CEBPZ: variants seen among roughly 807,000 people sequenced by gnomAD.
The protein encoded by CEBPZ is CCAAT/enhancer-binding protein zeta.
CEBPZ carries 78 observed loss-of-function variants against 104.5 expected under a neutral mutation model. That is an observed-to-expected ratio of 0.75 (90% CI 0.62 to 0.90). The LOEUF (loss-of-function observed/expected upper bound fraction) is 0.90, where lower values mean the gene tolerates loss of function less well. Ranked by LOEUF, CEBPZ falls within the 40% of genes least tolerant of loss-of-function variation. CEBPZ has a pLI of 0.00. For missense variants in CEBPZ, 1,439 were observed against 1,233.5 expected, an observed-to-expected ratio of 1.17 and a Z score of -2.50; for synonymous variants, 470 against 427.0, an observed-to-expected ratio of 1.10 and a Z score of -1.24.
chr2:37,212,589 C>A, intron 10 of CEBPZ, 197 bp from the exon 11 acceptor site: 1 of 537,038 alleles, frequency 1.9e-6, no homozygotes, highest in Non-Finnish European at 3.3e-6. Context: ...AGTTAAATCC[C>A]AAAACTAAAG....
chr2:37,228,664 G>C lies in CEBPZ; in HGVS notation c.529C>G (p.Leu177Val). The C allele has an allele frequency of 6.2e-7, 1 of 1,614,142 alleles. No homozygotes were observed. Among genetic ancestry groups the C allele is most frequent in the Non-Finnish European group, 8.5e-7 (1 of 1,180,034 alleles). Residue 177 changes from leucine (L) to valine (V), a missense_variant, in exon 2 of 16, where the codon CTT becomes GTT. By Grantham distance (32) the Leu-to-Val change is conservative. Transcript: ENST00000234170. ...FEFFERQTLL[L>V]RPGGKWYDLE... ...TCATACCATTTGCCTCCAGGCCTAA[G>C]TAACAAAGTCTGTCTCTCAAAAAAT...
At chr2:37,222,077 A>G (rs1664782338) in intron 4 of CEBPZ, among the ~76,000 whole-genome samples, 1 of 152,182 alleles carries the variant, frequency 6.6e-6, no homozygotes, top group Admixed American at 6.5e-5. Context: ...TGAGGTCAGG[A>G]GTTTGAGACC....
At chr2:37,204,901 A>C (rs1314656436) in intron 13 of CEBPZ, among the ~76,000 whole-genome samples, 1 of 152,180 alleles carries the variant, frequency 6.6e-6, no homozygotes, top group Non-Finnish European at 1.5e-5. Flanking sequence ...AACATTAAAA[A>C]ATTTTTTTCT....
Position 37,228,307 on chromosome 2 carries a change from C to A in CEBPZ, c.886G>T (p.Asp296Tyr). Residue 296 changes from aspartate to tyrosine, a missense_variant, in exon 2 of 16, where the codon GAC becomes TAC. Coordinates refer to ENST00000234170, the MANE Select transcript of CEBPZ (RefSeq NM_005760.3). Reference sequence around the variant, plus strand: ...AGCTTCCGATTGTCTGGCAAAAGGTCTGTGATAAGCAACTCTTTGAAAGTA... The same window carrying A: ...AGCTTCCGATTGTCTGGCAAAAGGTATGTGATAAGCAACTCTTTGAAAGTA... ...LDTFKELLIT[D>Y]LLPDNRKLRI... The A allele has an allele frequency of 6.2e-7, 1 of 1,614,188 alleles. No homozygotes were observed.
intron 2 of CEBPZ, among the ~76,000 whole-genome samples, chr2:37,225,279 A>T (rs1376721007): frequency 6.6e-6 from 1 of 152,198 alleles, no homozygotes. Context: ...TGGTCTCTTA[A>T]TATCTGTGTG....
In CEBPZ at chr2:37,226,486, T is replaced by A. The variant is rs10209937; in HGVS notation, c.1649+1058A>T. 1.4e-4 allele frequency among the ~76,000 whole-genome samples: 22 copies of A among 152,164 alleles called. No homozygotes were observed. In the South Asian group the frequency reaches 2.3e-3, roughly 16 times the overall value. ...CCCCAGTTCTGTCATTTACAAGCTG[T>A]AGAACCTTGTGCAAGTTTCAAAATC... On this transcript the variant is annotated intron_variant, in intron 2 of 15. Transcript: ENST00000234170.
Position 37,228,911 on chromosome 2 carries a change from C to T in CEBPZ, c.282G>A (p.Ala94=), listed in dbSNP as rs776483501. 20 of 1,610,514 alleles carry T rather than the reference C, an allele frequency of 1.2e-5. No homozygotes were observed. The highest frequency in any genetic ancestry group is 8.4e-5 in the Admixed American group (5 of 59,544). The change falls in exon 2 of 16, where the codon GCG becomes GCA. Residue 94 remains alanine (A), a synonymous_variant. Transcript: ENST00000234170. ...LEAFIQNLNL[A]KYTKASLVEE... ...CAACTAAGGAAGCTTTTGTATACTT[C>T]GCCAAATTAAGATTTTGAATAAATG...
chr2:37,213,972 C>A lies in CEBPZ; in HGVS notation c.2448-11G>T. On this transcript the variant is annotated splice_polypyrimidine_tract_variant and intron_variant, in intron 9 of 15. Transcript: ENST00000234170. ...ACTTTTTTATAATACCTATAATATT[C>A]ATGTTATATATTTGACAATTTTATT... 7.2e-7 allele frequency: 1 copy of A among 1,389,812 alleles called. No individual in the cohort carries two copies. The highest frequency in any genetic ancestry group is 9.7e-7 in the Non-Finnish European group (1 of 1,026,310). 86.1% of individuals were successfully genotyped at this position (1,389,812 alleles called of 1,614,324 possible).
chr2:37,216,840 T>G, intron 6 of CEBPZ, 144 bp downstream of exon 6: 1 of 692,240 alleles, frequency 1.4e-6, no homozygotes, highest in East Asian at 2.8e-5. Flanking sequence ...CTACTCTGTA[T>G]GAAACAAGTC....
chr2:37,222,207 C>T (rs983383031), intron 4 of CEBPZ, among the ~76,000 whole-genome samples, 173 bp downstream of exon 4: 28 of 152,174 alleles, frequency 1.8e-4, no homozygotes, highest in African/African-American at 6.0e-4. Context: ...TCACTTGAAC[C>T]TGGGAGGCGG....
At chr2:37,219,220 C>G (rs1664708450) in intron 5 of CEBPZ, among the ~76,000 whole-genome samples, 1 of 152,164 alleles carries the variant, frequency 6.6e-6, no homozygotes, top group Non-Finnish European at 1.5e-5. Context: ...GATGAGCTTG[C>G]AACAACTGGT....
In CEBPZ at chr2:37,212,369, AAC is replaced by A; in HGVS notation, c.2567_2568del (p.Cys856PhefsTer7). The A allele has an allele frequency of 6.2e-7, 1 of 1,613,622 alleles. No individual in the cohort carries two copies. The highest frequency in any genetic ancestry group is 1.1e-5 in the South Asian group (1 of 91,064). ...TCCATATCATCCTTTCCAGAGCTGA[AAC>A]AGTTATCATCTTCAAATGTGTCTGC... ...ELIDTFEDDN[C>X]FSSGKDDMDF... On this transcript the variant is annotated frameshift_variant, in exon 11 of 16. Coordinates refer to ENST00000234170, the MANE Select transcript of CEBPZ (RefSeq NM_005760.3). LOFTEE classifies it high-confidence loss of function.
At position 37,223,306 on chromosome 2, in the gene CEBPZ, C is replaced by T. The variant is rs748254295; in HGVS notation, c.1745G>A (p.Arg582Gln). ...KSLKADIVLR[R>Q]VKAFVKRLLQ... ...TAACCTCTTCACAAAAGCCTTCACC[C>T]GGCGCAACACAATGTCAGCTTTCAG... The change falls in exon 3 of 16, where the codon CGG becomes CAG. Residue 582 changes from arginine to glutamine, a missense_variant. Transcript: ENST00000234170. 11 of 1,613,944 alleles carry T rather than the reference C, an allele frequency of 6.8e-6. No individual in the cohort carries two copies. The highest frequency in any genetic ancestry group is 2.2e-5 in the East Asian group (1 of 44,884).
chr2:37,224,733 C>G (rs544647927), intron 2 of CEBPZ, among the ~76,000 whole-genome samples: 7 of 152,078 alleles, frequency 4.6e-5, no homozygotes, highest in African/African-American at 1.7e-4. Context: ...TTTTGTAAAC[C>G]AAATCATGTC....
intron 4 of CEBPZ, among the ~76,000 whole-genome samples, chr2:37,221,589 T>C (rs1664771675): frequency 6.6e-6 from 1 of 152,206 alleles, no homozygotes; most frequent in African/African-American, 2.4e-5. Context: ...CAAAGATTTT[T>C]CAGAACAAAC....
At chr2:37,216,854 G>C in intron 6 of CEBPZ, 130 bp downstream of exon 6, 1 of 753,752 alleles carries the variant, frequency 1.3e-6, no homozygotes, top group Middle Eastern at 3.9e-4. Flanking sequence ...ACAAGTCACT[G>C]CTTCTTTATA....
At position 37,223,259 on chromosome 2, in the gene CEBPZ, T is replaced by G. The variant is rs1189064879; in HGVS notation, c.1792A>C (p.Met598Leu). ...AAAGCTCCACATATAAATGGTGGCA[T>G]CTGTTGACAAGTAACTTGAAGTAAC... ...KRLLQVTCQQ[M>L]PPFICGALYL... The change falls in exon 3 of 16, where the codon ATG becomes CTG. Residue 598 changes from methionine to leucine, a missense_variant. Met to Leu is a conservative substitution (Grantham distance 15). Coordinates refer to ENST00000234170, the MANE Select transcript of CEBPZ (RefSeq NM_005760.3). 4 of 1,614,068 alleles carry G rather than the reference T, an allele frequency of 2.5e-6. No homozygotes were observed. The East Asian group carries it at 6.7e-5, about 27-fold the overall frequency.
At chr2:37,230,236 G>C (rs545133632) in intron 1 of CEBPZ, among the ~76,000 whole-genome samples, 1 of 152,294 alleles carries the variant, frequency 6.6e-6, no homozygotes, top group African/African-American at 2.4e-5. Flanking sequence ...AAAATGTAGA[G>C]ATAGGTGTAT....
At chr2:37,226,711 C>T (rs1285063387) in intron 2 of CEBPZ, among the ~76,000 whole-genome samples, 2 of 152,124 alleles carry the variant, frequency 1.3e-5, no homozygotes, top group African/African-American at 2.4e-5. Context: ...CGAACCACTA[C>T]TCCACATTTT....
Sources: gnomAD v4.1 joint callset for allele counts (sites outside exome capture counted in the v4.1 genomes callset) on GRCh38, gnomAD v4.1.1 for gene constraint, MANE v1.5 for transcripts, NCBI Gene and HGNC (gene_info 2026-07-23, HGNC 2026-07-21) for gene names.